The following TANGO6 variants were observed in gnomAD, a reference collection of about 807,000 sequenced individuals.
TANGO6 encodes the protein transport and Golgi organization protein 6 homolog.
Under a neutral mutation model 114.2 loss-of-function variants are expected in TANGO6, and 90 were observed. The ratio of observed to expected loss-of-function variants is 0.79; its 90% confidence interval spans 0.66 to 0.94. The LOEUF (loss-of-function observed/expected upper bound fraction) is 0.94, where lower values mean the gene tolerates loss of function less well. Among genes scored for constraint, TANGO6 ranks in the 40% least tolerant of loss-of-function variants. TANGO6 has a pLI of 0.00. For missense variants in TANGO6, 1,274 were observed against 1,315.3 expected (o/e 0.97, Z 0.49); for synonymous variants, 477 against 509.8 (o/e 0.94, Z 0.87).
chr16:69,038,254 C>T (rs1242036895), intron 16 of TANGO6, among the ~76,000 whole-genome samples: 1 of 151,824 alleles, frequency 6.6e-6, no homozygotes, highest in Non-Finnish European at 1.5e-5. Flanking sequence ...ACGGTGAAAC[C>T]CTGCCTCTAC....
chr16:68,925,905 AAAAG>A (rs1398715681), intron 12 of TANGO6, among the ~76,000 whole-genome samples: 3 of 151,254 alleles, frequency 2.0e-5, no homozygotes, highest in Non-Finnish European at 4.4e-5. Flanking sequence ...AAAAAAAAAA[AAAAG>A]AAAAAAGAAA....
chr16:68,906,371 C>T (rs545898048), intron 9 of TANGO6, among the ~76,000 whole-genome samples: 1 of 152,240 alleles, frequency 6.6e-6, no homozygotes, highest in South Asian at 2.1e-4. Context: ...ACATCTTTTT[C>T]TGCTGCCCAT....
chr16:68,930,292 C>T lies in TANGO6; in HGVS notation c.2698C>T (p.Gln900Ter). 2 of 1,553,440 alleles carry T rather than the reference C, an allele frequency of 1.3e-6. No homozygotes were observed. The highest frequency in any genetic ancestry group is 1.7e-6 in the Non-Finnish European group (2 of 1,147,360). ...EDTFVYLSAI[Q>*]GVALLSDVYP... ...CACTTTTGTATATCTATCTGCAATT[C>T]AGGGTAAGTCAGTCCTGGTTAAAGG... Residue 900 changes from glutamine (Q) to a stop codon, truncating the protein, a stop_gained, in exon 14 of 18, where the codon CAG becomes TAG. Coordinates refer to ENST00000261778, the MANE Select transcript of TANGO6 (RefSeq NM_024562.2). LOFTEE classifies it high-confidence loss of function.
chr16:68,966,263 C>G (rs1963644337), intron 14 of TANGO6, among the ~76,000 whole-genome samples: 1 of 151,684 alleles, frequency 6.6e-6, no homozygotes, highest in African/African-American at 2.4e-5. Context: ...GTGGCTCACG[C>G]CTGTAACCCC....
At chr16:68,901,765 G>A (rs555174690) in intron 8 of TANGO6, among the ~76,000 whole-genome samples, 1 of 152,270 alleles carries the variant, frequency 6.6e-6, no homozygotes, top group East Asian at 1.9e-4. Context: ...TGGGATTACA[G>A]GCGTGAGCCA....
At chr16:68,856,698 A>G (rs1440923173) in intron 1 of TANGO6, among the ~76,000 whole-genome samples, 2 of 152,230 alleles carry the variant, frequency 1.3e-5, no homozygotes, top group East Asian at 3.8e-4. Context: ...AACTGAAGTA[A>G]TAGTTTATAT....
Position 69,040,399 on chromosome 16 carries a change from G to A in TANGO6, c.3086G>A (p.Gly1029Glu), listed in dbSNP as rs759434256. Residue 1029 changes from glycine (G) to glutamate (E), a missense_variant, in exon 17 of 18, where the codon GGA becomes GAA. This residue lies in a region of TANGO6 where 238 missense variants were observed against 252.9 expected (regional missense o/e 0.94). Transcript: ENST00000261778. ...AIHVVVLLLR[G>E]LSQKATEVLS... ...CATGTGGTTGTGCTGCTGCTTCGGG[G>A]ACTCAGCCAGAAAGCTACTGAGGTC... The A allele has an allele frequency of 3.1e-6, 5 of 1,604,322 alleles. No individual in the cohort carries two copies. In the South Asian group the frequency reaches 4.5e-5, roughly 14 times the overall value.
intron 7 of TANGO6, among the ~76,000 whole-genome samples, chr16:68,897,367 G>A (rs111332367): frequency 6.6e-5 from 10 of 152,204 alleles, no homozygotes; most frequent in Admixed American, 1.3e-4. Context: ...GCTCCTTGAA[G>A]CAGATACTTT....
intron 17 of TANGO6, among the ~76,000 whole-genome samples, chr16:69,059,901 C>G (rs1960089138): frequency 6.6e-6 from 1 of 152,158 alleles, no homozygotes; most frequent in South Asian, 2.1e-4. Context: ...AGGTCAGACT[C>G]CTTTGCATGA....
At chr16:68,904,558 A>G (rs754632640) in intron 9 of TANGO6, among the ~76,000 whole-genome samples, 33 of 152,210 alleles carry the variant, frequency 2.2e-4, no homozygotes, top group Non-Finnish European at 4.6e-4. Flanking sequence ...GGGCTGCCAA[A>G]TTAGTAATTG....
intron 15 of TANGO6, among the ~76,000 whole-genome samples, chr16:68,986,930 C>T (rs1963897973): frequency 6.6e-6 from 1 of 152,142 alleles, no homozygotes; most frequent in Admixed American, 6.6e-5. Flanking sequence ...AAAATTCAGC[C>T]CCAAATTCTG....
At chr16:68,881,465 T>G (rs1322767436) in intron 7 of TANGO6, among the ~76,000 whole-genome samples, 1 of 152,104 alleles carries the variant, frequency 6.6e-6, no homozygotes, top group African/African-American at 2.4e-5. Context: ...AGTGTGCCGA[T>G]ATCATGCCAC....
chr16:69,015,569 C>T, intron 15 of TANGO6, among the ~76,000 whole-genome samples: 1 of 151,920 alleles, frequency 6.6e-6, no homozygotes, highest in East Asian at 1.9e-4. Flanking sequence ...GTAAGCTCCA[C>T]CTCCTGGGTT....
At chr16:68,848,917 T>C (rs1383829553) in intron 1 of TANGO6, among the ~76,000 whole-genome samples, 1 of 152,070 alleles carries the variant, frequency 6.6e-6, no homozygotes, top group Admixed American at 6.6e-5. Flanking sequence ...ATCGACTCCT[T>C]GCTCTCAAGC....
rs1298288116 is a variant in TANGO6, at chr16:69,010,026, G to A, written c.2843-12802G>A. Among the ~76,000 whole-genome samples the A allele has an allele frequency of 2.0e-5, 3 of 152,144 alleles. No homozygotes were observed. The East Asian group carries it at 5.8e-4, about 29-fold the overall frequency. On this transcript the variant is annotated intron_variant, in intron 15 of 17. Coordinates refer to ENST00000261778, the MANE Select transcript of TANGO6 (RefSeq NM_024562.2). ...ACCTGATTCCTCTATGACTGTTATAGAGAAAGACTTTCTCTTGCCAAAGTA... is the reference window on the plus strand; with the variant it reads ...ACCTGATTCCTCTATGACTGTTATAAAGAAAGACTTTCTCTTGCCAAAGTA...
At chr16:68,975,885 C>G (rs1344859427) in intron 15 of TANGO6, among the ~76,000 whole-genome samples, 1 of 151,942 alleles carries the variant, frequency 6.6e-6, no homozygotes, top group Non-Finnish European at 1.5e-5. Flanking sequence ...CCTTGGGTGC[C>G]TGAGTGTTCT....
intron 17 of TANGO6, among the ~76,000 whole-genome samples, chr16:69,075,461 T>A (rs1316953982): frequency 2.0e-5 from 3 of 151,790 alleles, no homozygotes; most frequent in East Asian, 3.9e-4. Flanking sequence ...TTTTATTTTT[T>A]TTTTTTTTTT....
Position 69,042,003 on chromosome 16 carries a change from T to G in TANGO6, c.3108+1582T>G, listed in dbSNP as rs559653435. The stretch of plus-strand genomic sequence containing the variant: ...ATAAGAGAAGGACAGCCCTAGGTGC[T>G]TTTTGTTTCTTATTTTGGGGAACTA... On this transcript the variant is annotated intron_variant, in intron 17 of 17. Transcript: ENST00000261778. 5.9e-5 allele frequency among the ~76,000 whole-genome samples: 9 copies of G among 152,328 alleles called. No homozygotes were observed. In the South Asian group the frequency reaches 1.9e-3, roughly 32 times the overall value.
Position 68,907,547 on chromosome 16 carries a change from C to G in TANGO6, c.1772C>G (p.Ala591Gly). The G allele has an allele frequency of 1.2e-6, 2 of 1,613,558 alleles. No individual in the cohort carries two copies. Among genetic ancestry groups the G allele is most frequent in the Non-Finnish European group, 1.7e-6 (2 of 1,179,740 alleles). The change falls in exon 10 of 18, where the codon GCA becomes GGA. Residue 591 changes from alanine (A) to glycine (G), a missense_variant. Ala to Gly is a moderately conservative substitution (Grantham distance 60). Around this residue, in one of 5 missense-constraint regions of TANGO6, gnomAD observed 908 missense variants for 910.2 expected, o/e 1.00. Coordinates refer to ENST00000261778, the MANE Select transcript of TANGO6 (RefSeq NM_024562.2). ...LLSHCQECGL[A>G]GDFFIFCLKE... ...TCCCACTGCCAGGAATGCGGTTTGG[C>G]AGGAGACTTCTTCATCTTCTGTTTG...
Sources: gnomAD v4.1 joint callset for allele counts (sites outside exome capture counted in the v4.1 genomes callset) on GRCh38, gnomAD v4.1.1 for gene constraint, gnomAD v4.1.1 regional missense constraint, MANE v1.5 for transcripts, NCBI Gene and HGNC (gene_info 2026-07-23, HGNC 2026-07-21) for gene names.